Variants in PCDHA12 observed in about 807,000 individuals in gnomAD.
The protein encoded by PCDHA12 is protocadherin alpha 12, also known as protocadherin alpha-12.
A neutral mutation model predicts 60.0 loss-of-function variants in PCDHA12; 44 were observed. The observed-to-expected ratio is 0.73, with a 90% CI of 0.58 to 0.94. The LOEUF (loss-of-function observed/expected upper bound fraction) is 0.94. Ranked by LOEUF, PCDHA12 falls within the 40% of genes least tolerant of loss-of-function variation. The pLI is 0.00. For missense variants in PCDHA12, 1,276 were observed against 1,239.7 expected (o/e 1.03, Z -0.44); for synonymous variants, 569 against 553.0 (o/e 1.03, Z -0.40).
At chr5:140,967,252 G>A (rs199714982) in intron 1 of PCDHA12, 1 of 1,613,504 alleles carries the variant, frequency 6.2e-7, no homozygotes, top group Non-Finnish European at 8.5e-7. Flanking sequence ...AATCGGTGGC[G>A]CCTGGAGCGC....
intron 1 of PCDHA12, among the ~76,000 whole-genome samples, chr5:140,891,033 G>C (rs2062910794): frequency 6.6e-6 from 1 of 151,596 alleles, no homozygotes; most frequent in South Asian, 2.1e-4. Context: ...TATAATCTTA[G>C]GTGTGACCCC....
intron 1 of PCDHA12, among the ~76,000 whole-genome samples, chr5:140,945,769 T>C (rs1358082978): frequency 1.3e-5 from 2 of 152,036 alleles, no homozygotes; most frequent in Non-Finnish European, 2.9e-5. Flanking sequence ...TGGGACAATT[T>C]GATATCCAGA....
intron 3 of PCDHA12, among the ~76,000 whole-genome samples, chr5:141,007,395 CAAA>C (rs35800918): frequency 0.057 from 5,421 of 94,854 alleles, 127 homozygotes; most frequent in South Asian, 0.13. Context: ...TACTAAAATA[CAAA>C]AAAAAAAAAA....
chr5:140,894,478 A>C (rs2064495460), intron 1 of PCDHA12, among the ~76,000 whole-genome samples: 2 of 151,508 alleles, frequency 1.3e-5, no homozygotes, highest in South Asian at 4.2e-4. Context: ...TCTTGTTTTC[A>C]TCTTATAGTT....
At chr5:140,940,934 G>A (rs155815) in intron 1 of PCDHA12, among the ~76,000 whole-genome samples, 48,303 of 152,082 alleles carry the variant, frequency 0.32, 8,018 homozygotes, top group East Asian at 0.53. Flanking sequence ...TGGCTACTTA[G>A]ACTACGTATT....
Position 140,876,499 on chromosome 5 carries a change from G to T in PCDHA12, c.1027G>T (p.Val343Leu). The T allele has an allele frequency of 6.2e-7, 1 of 1,614,028 alleles. No homozygotes were observed. The highest frequency in any genetic ancestry group is 1.1e-5 in the South Asian group (1 of 91,088). ...HSMVLVEVLD[V>L]NDNVPEVMVT... is the part of the protein sequence containing the mutation. Reference sequence around the variant, plus strand: ...CATGGTCCTGGTGGAAGTTCTGGACGTGAATGACAATGTCCCTGAAGTAAT... The same window carrying T: ...CATGGTCCTGGTGGAAGTTCTGGACTTGAATGACAATGTCCCTGAAGTAAT... Residue 343 changes from valine to leucine, a missense_variant, in exon 1 of 4, where the codon GTG becomes TTG. Val to Leu is a conservative substitution (Grantham distance 32). Coordinates refer to ENST00000398631, the MANE Select transcript of PCDHA12 (RefSeq NM_018903.4).
Position 140,875,644 on chromosome 5 carries a change from G to A in PCDHA12, c.172G>A (p.Glu58Lys). Residue 58 changes from glutamate (E) to lysine (K), a missense_variant, in exon 1 of 4, where the codon GAG becomes AAG. Glu to Lys is a moderately conservative substitution (Grantham distance 56). Transcript: ENST00000398631. ...IAQDLGLELA[E>K]LVPRLFRVAS... is the part of the protein sequence containing the mutation. Reference sequence around the variant, plus strand: ...TCAGGACCTGGGGCTGGAGCTGGCGGAGCTGGTGCCGCGCCTGTTCCGGGT... The same window carrying A: ...TCAGGACCTGGGGCTGGAGCTGGCGAAGCTGGTGCCGCGCCTGTTCCGGGT... The A allele has an allele frequency of 6.2e-7, 1 of 1,613,736 alleles. No homozygotes were observed. Among genetic ancestry groups the A allele is most frequent in the Non-Finnish European group, 8.5e-7 (1 of 1,180,010 alleles).
At chr5:140,994,325 A>G (rs879964488) in intron 3 of PCDHA12, among the ~76,000 whole-genome samples, 8 of 152,190 alleles carry the variant, frequency 5.3e-5, no homozygotes, top group African/African-American at 7.2e-5. Flanking sequence ...ACTCTCAGCA[A>G]CCATGAACAG....
intron 3 of PCDHA12, among the ~76,000 whole-genome samples, chr5:140,998,872 T>C (rs1159101161): frequency 6.6e-6 from 1 of 152,202 alleles, no homozygotes; most frequent in African/African-American, 2.4e-5. Flanking sequence ...TTGTAAATAA[T>C]AAGTTTAGTT....
chr5:140,982,461 G>C lies in PCDHA12; in HGVS notation c.2427-14G>C, dbSNP rs765899879. Reference sequence around the variant, plus strand: ...TATGATCTAACCGTTATCTGGGTCTGTGTGTTTATTCAGCTCTGTGCACCT... The same window carrying C: ...TATGATCTAACCGTTATCTGGGTCTCTGTGTTTATTCAGCTCTGTGCACCT... On this transcript the variant is annotated splice_polypyrimidine_tract_variant and intron_variant, in intron 2 of 3. Coordinates refer to ENST00000398631, the MANE Select transcript of PCDHA12 (RefSeq NM_018903.4). 4.3e-6 allele frequency: 7 copies of C among 1,613,970 alleles called. No homozygotes were observed. The Admixed American group carries it at 6.7e-5, about 15-fold the overall frequency.
chr5:140,890,776 A>T (rs1554184541), intron 1 of PCDHA12, among the ~76,000 whole-genome samples: 2 of 152,198 alleles, frequency 1.3e-5, no homozygotes, highest in Non-Finnish European at 2.9e-5. Context: ...TTAAAACCCC[A>T]TAAGATATTA....
chr5:140,875,844 G>A lies in PCDHA12; in HGVS notation c.372G>A (p.Lys124=). Residue 124 remains lysine, a synonymous_variant, in exon 1 of 4, where the codon AAG becomes AAA. Transcript: ENST00000398631. ...TTTTCCATGTGGACGTGGAGGTGAA[G>A]GACATTAACGACAACCCGCCGGTGT... ...LQVFHVDVEV[K]DINDNPPVFR... The A allele has an allele frequency of 6.2e-7, 1 of 1,614,178 alleles. No homozygotes were observed. The highest frequency in any genetic ancestry group is 8.5e-7 in the Non-Finnish European group (1 of 1,180,028).
At chr5:140,966,416 A>T in intron 1 of PCDHA12, 1 of 419,730 alleles carries the variant, frequency 2.4e-6, no homozygotes, top group Non-Finnish European at 4.1e-6. Context: ...TCAGAGCAGG[A>T]CTTGCTGAGC....
intron 1 of PCDHA12, chr5:140,884,345 C>A (rs782318945): frequency 1.2e-6 from 2 of 1,613,916 alleles, no homozygotes; most frequent in African/African-American, 2.7e-5. Flanking sequence ...AGAAGCGGCG[C>A]TGGTGGATGT....
At chr5:140,937,386 G>T (rs1450799946) in intron 1 of PCDHA12, among the ~76,000 whole-genome samples, 2 of 152,092 alleles carry the variant, frequency 1.3e-5, no homozygotes, top group African/African-American at 4.8e-5. Context: ...GTGTGTATGT[G>T]TATATAGGGG....
At chr5:140,941,194 TCTTTCTTCC>T (rs781813612) in intron 1 of PCDHA12, among the ~76,000 whole-genome samples, 93 of 112,424 alleles carry the variant, frequency 8.3e-4, no homozygotes, top group South Asian at 2.2e-3. Flanking sequence ...TCTTTTTTTT[TCTTTCTTCC>T]TTTCTTTCTT....
chr5:140,956,522 C>T (rs1043265748), intron 1 of PCDHA12, among the ~76,000 whole-genome samples: 14 of 152,116 alleles, frequency 9.2e-5, no homozygotes, highest in Non-Finnish European at 1.9e-4. Flanking sequence ...GGTGAATAAG[C>T]TTTTTGATGT....
At position 140,876,575 on chromosome 5, in the gene PCDHA12, T is replaced by C. The variant is rs2153342882; in HGVS notation, c.1103T>C (p.Val368Ala). Residue 368 changes from valine (V) to alanine (A), a missense_variant, in exon 1 of 4, where the codon GTC becomes GCC. Coordinates refer to ENST00000398631, the MANE Select transcript of PCDHA12 (RefSeq NM_018903.4). ...PVQEDAQVGT[V>A]IALISVSDRD... ...CAAGAGGATGCTCAGGTGGGTACCG[T>C]CATTGCCCTGATTAGCGTGTCGGAT... The C allele has an allele frequency of 6.2e-7, 1 of 1,614,152 alleles. No homozygotes were observed. The highest frequency in any genetic ancestry group is 1.1e-5 in the South Asian group (1 of 91,080).
At chr5:140,977,925 A>G (rs782072280) in intron 1 of PCDHA12, among the ~76,000 whole-genome samples, 8 of 152,152 alleles carry the variant, frequency 5.3e-5, no homozygotes, top group Non-Finnish European at 1.0e-4. Flanking sequence ...TTTTCATTCA[A>G]CTATACCTCA....
Sources: gnomAD v4.1 joint callset for allele counts (sites outside exome capture counted in the v4.1 genomes callset) on GRCh38, gnomAD v4.1.1 for gene constraint, MANE v1.5 for transcripts, NCBI Gene and HGNC (gene_info 2026-07-23, HGNC 2026-07-21) for gene names.